Variants in NOX4 observed in about 807,000 individuals in gnomAD.
The protein encoded by NOX4 is kidney oxidase-1.
In NOX4, 69 loss-of-function variants were observed where a neutral mutation model predicts 87.6. The observed-to-expected ratio is 0.79, with a 90% CI of 0.65 to 0.96. The LOEUF (loss-of-function observed/expected upper bound fraction) is 0.96. Among genes scored for constraint, NOX4 ranks in the 40% least tolerant of loss-of-function variants. NOX4 has a pLI of 0.00. For synonymous variants in NOX4, 275 were observed against 238.2 expected (o/e 1.15, Z -1.42); for missense variants, 680 against 681.5 (o/e 1.00, Z 0.02).
chr11:89,488,632 A>G (rs776073896), intron 2 of NOX4, among the ~76,000 whole-genome samples: 1 of 152,188 alleles, frequency 6.6e-6, no homozygotes, highest in East Asian at 1.9e-4. Context: ...AGGTTATTGC[A>G]ATAAATTTCC....
chr11:89,487,683 C>T (rs1307018656), intron 2 of NOX4, among the ~76,000 whole-genome samples: 1 of 152,078 alleles, frequency 6.6e-6, no homozygotes, highest in Non-Finnish European at 1.5e-5. Context: ...CCAGTGGGAC[C>T]AAGTGTTTGC....
At chr11:89,490,018 T>C (rs976084263) in intron 2 of NOX4, among the ~76,000 whole-genome samples, 9 of 152,136 alleles carry the variant, frequency 5.9e-5, no homozygotes, top group Non-Finnish European at 1.2e-4. Context: ...ATAACCCCAT[T>C]AGACCCATAT....
chr11:89,499,076 T>G (rs1057334762), upstream of NOX4: 1 of 153,880 alleles, frequency 6.5e-6, no homozygotes, highest in African/African-American at 2.4e-5. Flanking sequence ...GTGAGGTTTC[T>G]TTACCCCTCC....
At chr11:89,495,440 C>T (rs544397847), upstream of NOX4, among the ~76,000 whole-genome samples, 2 of 152,186 alleles carry the variant, frequency 1.3e-5, no homozygotes, top group Admixed American at 6.5e-5. Context: ...TCACCCTCTG[C>T]CTCTCTCTTA....
chr11:89,387,011 C>CA (rs1195447094), intron 11 of NOX4, among the ~76,000 whole-genome samples: 2 of 152,204 alleles, frequency 1.3e-5, no homozygotes, highest in Admixed American at 6.5e-5. Flanking sequence ...CCCCTTACCA[C>CA]AAAATCTTCT....
At chr11:89,337,378 C>G in intron 16 of NOX4, 69 bp downstream of exon 16, 6 of 1,593,312 alleles carry the variant, frequency 3.8e-6, no homozygotes, top group Non-Finnish European at 5.1e-6. Flanking sequence ...AATTTTCTTC[C>G]ACCACAGCTC....
intron 2 of NOX4, among the ~76,000 whole-genome samples, chr11:89,459,421 T>C (rs1443236244): frequency 6.6e-6 from 1 of 152,070 alleles, no homozygotes; most frequent in African/African-American, 2.4e-5. Context: ...ATAGTAAACC[T>C]GCACATGTAC....
At chr11:89,411,163 C>T (rs533181811) in intron 8 of NOX4, among the ~76,000 whole-genome samples, 1 of 152,166 alleles carries the variant, frequency 6.6e-6, no homozygotes, top group South Asian at 2.1e-4. Flanking sequence ...GGACCCAGTC[C>T]TGGCAAGATT....
intron 17 of NOX4, among the ~76,000 whole-genome samples, chr11:89,333,737 C>T (rs573593263): frequency 6.6e-6 from 1 of 151,860 alleles, no homozygotes; most frequent in East Asian, 1.9e-4. Context: ...CATCCATTTA[C>T]ACAGTGCCTT....
upstream of NOX4, among the ~76,000 whole-genome samples, chr11:89,496,363 A>C (rs577869861): frequency 6.6e-6 from 1 of 152,228 alleles, no homozygotes; most frequent in African/African-American, 2.4e-5. Flanking sequence ...AAGATGTTCA[A>C]TGAAAGCTTG....
chr11:89,574,214 T>C, the NOX4 span, among the ~76,000 whole-genome samples: 2 of 152,206 alleles, frequency 1.3e-5, no homozygotes, highest in Non-Finnish European at 2.9e-5. Flanking sequence ...TGCTCATGCC[T>C]GTCTAACTAC....
At chr11:89,432,688 A>G in intron 7 of NOX4, 96 bp downstream of exon 7, 1 of 836,114 alleles carries the variant, frequency 1.2e-6, no homozygotes, top group Non-Finnish European at 2.0e-6. Context: ...TAGTCCATTA[A>G]CCAGGACACT....
At chr11:89,390,960 A>T (rs1460701122) in intron 11 of NOX4, among the ~76,000 whole-genome samples, 1 of 152,060 alleles carries the variant, frequency 6.6e-6, no homozygotes, top group Non-Finnish European at 1.5e-5. Context: ...TCCCTCCAAC[A>T]TTTCCTTTTC....
rs185258230 is a variant in NOX4 at position 89,395,746 on chromosome 11, T to A, written c.1074+4271A>T. 2.9e-3 allele frequency among the ~76,000 whole-genome samples: 440 copies of A among 152,276 alleles called. 5 individuals carry two copies. Among genetic ancestry groups the A allele is most frequent in the African/African-American group, 0.01 (425 of 41,558 alleles). On this transcript the variant is annotated intron_variant, in intron 11 of 17. Coordinates refer to ENST00000263317, the MANE Select transcript of NOX4 (RefSeq NM_016931.5). ...CAACTAGCCAATTTTCCCAGCTCCA[T>A]TTATTAAATAGGGAATCCTTTCCCC... is the stretch of plus-strand genomic sequence containing the variant.
At chr11:89,376,646 G>T (rs1939860688) in intron 11 of NOX4, among the ~76,000 whole-genome samples, 2 of 152,148 alleles carry the variant, frequency 1.3e-5, no homozygotes, top group South Asian at 4.1e-4. Context: ...ACTTTGGGAG[G>T]CCGGGGCAGG....
chr11:89,425,906 T>C (rs1411596707), intron 7 of NOX4, among the ~76,000 whole-genome samples: 2 of 152,136 alleles, frequency 1.3e-5, no homozygotes, highest in African/African-American at 2.4e-5. Context: ...TCTGAACAAG[T>C]AGAACAATTG....
At chr11:89,542,026 G>A in the NOX4 span, among the ~76,000 whole-genome samples, 757 of 151,920 alleles carry the variant, frequency 5.0e-3, 4 homozygotes, top group African/African-American at 0.01. Context: ...TTCCAGGCTG[G>A]TCTCTAACTC....
intron 2 of NOX4, among the ~76,000 whole-genome samples, chr11:89,475,708 T>C (rs1946137852): frequency 6.6e-6 from 1 of 151,996 alleles, no homozygotes; most frequent in Non-Finnish European, 1.5e-5. Context: ...AGGGAAGAGA[T>C]AAAATTATAA....
At chr11:89,455,351 A>C (rs1444936702) in intron 2 of NOX4, among the ~76,000 whole-genome samples, 1 of 152,006 alleles carries the variant, frequency 6.6e-6, no homozygotes, top group Non-Finnish European at 1.5e-5. Flanking sequence ...TTCTCCTTAT[A>C]ACTTCCTCTC....
Sources: allele counts gnomAD v4.1 joint callset (sites outside exome capture counted in the v4.1 genomes callset), GRCh38; gene constraint gnomAD v4.1.1; transcripts MANE v1.5; gene names NCBI Gene and HGNC (gene_info 2026-07-23, HGNC 2026-07-21).